POLD3: variants seen among roughly 807,000 people sequenced by gnomAD.
POLD3 encodes DNA polymerase delta 3, accessory subunit, also known as DNA polymerase delta subunit 3.
Under a neutral mutation model 58.2 loss-of-function variants are expected in POLD3, and 19 were observed. The observed-to-expected ratio is 0.33, with a 90% CI of 0.23 to 0.48. POLD3 has a LOEUF of 0.48. Among genes scored for constraint, POLD3 ranks in the 20% least tolerant of loss-of-function variants. POLD3 has a pLI of 0.99. For missense variants in POLD3, 504 were observed against 545.5 expected, an observed-to-expected ratio of 0.92 and a Z score of 0.76; for synonymous variants, 172 against 193.5, an observed-to-expected ratio of 0.89 and a Z score of 0.92.
intron 4 of POLD3, among the ~76,000 whole-genome samples, chr11:74,652,275 C>T (rs893660090): frequency 6.6e-6 from 1 of 152,274 alleles, no homozygotes; most frequent in South Asian, 2.1e-4. Flanking sequence ...TAACTACAAC[C>T]ATATCTTTGA....
chr11:74,618,306 C>T (rs2032142157), intron 5 of POLD3, among the ~76,000 whole-genome samples: 1 of 152,064 alleles, frequency 6.6e-6, no homozygotes, highest in African/African-American at 2.4e-5. Flanking sequence ...GATGTATAAC[C>T]TAGTAAAAGT....
chr11:74,638,905 A>G (rs7936385), intron 11 of POLD3, among the ~76,000 whole-genome samples: 59,836 of 152,042 alleles, frequency 0.39, 12,822 homozygotes, highest in African/African-American at 0.56. Context: ...TATATCTAAA[A>G]TTTATCAGTA....
intron 2 of POLD3, among the ~76,000 whole-genome samples, chr11:74,602,844 C>T (rs987124188): frequency 6.6e-6 from 1 of 152,230 alleles, no homozygotes; most frequent in Non-Finnish European, 1.5e-5. Flanking sequence ...ATCTTGCTGA[C>T]CTTCCTGCCT....
intron 5 of POLD3, among the ~76,000 whole-genome samples, chr11:74,615,882 A>T (rs1443474888): frequency 6.6e-6 from 1 of 152,158 alleles, no homozygotes; most frequent in African/African-American, 2.4e-5. Flanking sequence ...GATAGACATT[A>T]GTTCTTTTTT....
intron 4 of POLD3, among the ~76,000 whole-genome samples, chr11:74,656,157 G>C (rs2033131030): frequency 2.0e-5 from 3 of 152,122 alleles, no homozygotes; most frequent in Admixed American, 6.5e-5. Context: ...AACTAAAACA[G>C]TGATGACAAA....
At chr11:74,602,880 T>A (rs1300436138) in intron 2 of POLD3, among the ~76,000 whole-genome samples, 1 of 152,234 alleles carries the variant, frequency 6.6e-6, no homozygotes, top group Non-Finnish European at 1.5e-5. Context: ...TGCTGGACTC[T>A]CTGCCTAGAA....
chr11:74,620,751 T>C (rs898972537), intron 7 of POLD3, among the ~76,000 whole-genome samples: 1 of 152,206 alleles, frequency 6.6e-6, no homozygotes, highest in Admixed American at 6.5e-5. Flanking sequence ...TGTGGTAGAA[T>C]ACCAGGAAGA....
At chr11:74,597,316 G>A (rs941147135) in intron 2 of POLD3, among the ~76,000 whole-genome samples, 2 of 152,048 alleles carry the variant, frequency 1.3e-5, no homozygotes, top group African/African-American at 4.8e-5. Context: ...GCCTAACCCA[G>A]GGTTATGAAG....
At chr11:74,649,806 G>A (rs1048809855) in intron 4 of POLD3, among the ~76,000 whole-genome samples, 2 of 152,122 alleles carry the variant, frequency 1.3e-5, no homozygotes, top group Non-Finnish European at 2.9e-5. Context: ...CCAGGAGTTC[G>A]AGACCAGCCT....
At chr11:74,647,485 G>A (rs2033013715), downstream of POLD3, among the ~76,000 whole-genome samples, 1 of 152,210 alleles carries the variant, frequency 6.6e-6, no homozygotes, top group Non-Finnish European at 1.5e-5. Context: ...CAGTGAGAAA[G>A]TGTACCAGGG....
chr11:74,604,721 G>A lies in POLD3; in HGVS notation c.146G>A (p.Arg49Gln), dbSNP rs2031617851. 6.8e-6 allele frequency: 11 copies of A among 1,609,144 alleles called. No homozygotes were observed. Among genetic ancestry groups the A allele is most frequent in the Non-Finnish European group, 9.4e-6 (11 of 1,175,548 alleles). Residue 49 changes from arginine (R) to glutamine (Q), a missense_variant, in exon 3 of 12, where the codon CGA (arginine) becomes CAA (glutamine). Arg to Gln is a conservative substitution (Grantham distance 43). Around this residue, in one of 2 missense-constraint regions of POLD3, gnomAD observed 119 missense variants for 175.0 expected, o/e 0.68. Transcript: ENST00000263681. ...QMLYDYVERK[R>Q]KENSGAQLHV... ...CTGTATGATTATGTTGAAAGGAAAC[G>A]AAAAGAAAATTCAGGAGCCCAACTG... is the stretch of plus-strand genomic sequence containing the variant.
chr11:74,636,425 C>A, intron 11 of POLD3, 150 bp downstream of exon 11: 1 of 719,958 alleles, frequency 1.4e-6, no homozygotes, highest in Non-Finnish European at 2.3e-6. Flanking sequence ...CTATGGCATA[C>A]ACTTTGTGTA....
chr11:74,646,123 C>T (rs1225324321), downstream of POLD3, among the ~76,000 whole-genome samples: 1 of 152,100 alleles, frequency 6.6e-6, no homozygotes, highest in African/African-American at 2.4e-5. Context: ...CAGGCGCATG[C>T]CACCACACCT....
chr11:74,599,842 A>G (rs1462921833), intron 2 of POLD3, among the ~76,000 whole-genome samples: 5 of 152,176 alleles, frequency 3.3e-5, no homozygotes, highest in Non-Finnish European at 7.3e-5. Flanking sequence ...CCTGGGGAAC[A>G]TTATGGGTGG....
At chr11:74,624,023 CCT>C (rs2135157828) in intron 7 of POLD3, among the ~76,000 whole-genome samples, 1 of 152,226 alleles carries the variant, frequency 6.6e-6, no homozygotes, top group South Asian at 2.1e-4. Flanking sequence ...AATGCAATAG[CCT>C]CTCTTTCCTT....
intron 7 of POLD3, 56 bp downstream of exon 7, chr11:74,620,145 AT>A: frequency 1.5e-6 from 2 of 1,300,778 alleles, no homozygotes; most frequent in South Asian, 2.4e-5. Flanking sequence ...GTAATGACAT[AT>A]TATACCTGAA....
chr11:74,618,495 G>T (rs2032148680), intron 5 of POLD3, 42 bp from the exon 6 acceptor site: 1 of 1,462,804 alleles, frequency 6.8e-7, no homozygotes, highest in East Asian at 2.3e-5. Context: ...ACCCAAGAAT[G>T]CATATGCTGA....
intron 9 of POLD3, among the ~76,000 whole-genome samples, chr11:74,631,587 C>T (rs918470972): frequency 1.2e-4 from 18 of 148,770 alleles, no homozygotes; most frequent in African/African-American, 3.7e-4. Flanking sequence ...CGGGTTCAAG[C>T]GATTCTCTGC....
intron 4 of POLD3, 145 bp downstream of exon 4, chr11:74,611,683 G>A (rs2031917355): frequency 1.7e-6 from 1 of 602,886 alleles, no homozygotes; most frequent in South Asian, 1.9e-5. Flanking sequence ...AGTTTTTAAA[G>A]CATGTTAAAA....
Sources: allele counts gnomAD v4.1 joint callset (sites outside exome capture counted in the v4.1 genomes callset), GRCh38; gene constraint gnomAD v4.1.1; regional missense constraint gnomAD v4.1.1; transcripts MANE v1.5; gene names NCBI Gene and HGNC (gene_info 2026-07-23, HGNC 2026-07-21).